The following PIK3R5 variants were observed in gnomAD, a reference collection of about 807,000 sequenced individuals.
The protein encoded by PIK3R5 is phosphoinositide-3-kinase regulatory subunit 5, also known as phosphoinositide 3-kinase regulatory subunit 5.
PIK3R5 carries 32 observed loss-of-function variants against 94.9 expected under a neutral mutation model. The observed-to-expected ratio is 0.34, with a 90% CI of 0.25 to 0.45. The LOEUF (loss-of-function observed/expected upper bound fraction) is 0.45, where lower values mean the gene tolerates loss of function less well. PIK3R5 is among the 20% of genes least tolerant of loss of function. PIK3R5 has a pLI of 1.00. For synonymous variants in PIK3R5, 443 were observed against 479.4 expected, an observed-to-expected ratio of 0.92 and a Z score of 0.99; for missense variants, 853 against 1,144.6, an observed-to-expected ratio of 0.75 and a Z score of 3.68.
intron 1 of PIK3R5, among the ~76,000 whole-genome samples, chr17:8,964,360 C>T (rs1177413554): frequency 1.3e-5 from 2 of 152,096 alleles, no homozygotes; most frequent in African/African-American, 2.4e-5. Context: ...CACTGCACTC[C>T]AGCCTGAGTG....
At chr17:8,883,088 G>A (rs1211261958) in intron 15 of PIK3R5, among the ~76,000 whole-genome samples, 1 of 152,218 alleles carries the variant, frequency 6.6e-6, no homozygotes. Flanking sequence ...CCTTTCATTG[G>A]GTCGGGCGTG....
At chr17:8,941,192 G>C (rs1304560340) in intron 1 of PIK3R5, among the ~76,000 whole-genome samples, 1 of 152,176 alleles carries the variant, frequency 6.6e-6, no homozygotes, top group Non-Finnish European at 1.5e-5. Context: ...GGTGTAGCGG[G>C]ATAGATATGG....
At chr17:8,913,233 G>C (rs569380426) in intron 1 of PIK3R5, among the ~76,000 whole-genome samples, 1 of 152,350 alleles carries the variant, frequency 6.6e-6, no homozygotes, top group Non-Finnish European at 1.5e-5. Flanking sequence ...GGGCAAATGA[G>C]GGGGAAGAGT....
In PIK3R5 at chr17:8,924,138, G is replaced by T. The variant is rs180761119; in HGVS notation, c.-13-12631C>A. On this transcript the variant is annotated intron_variant, in intron 1 of 18. Coordinates refer to ENST00000447110, the MANE Select transcript of PIK3R5 (RefSeq NM_001142633.3). ...CTGCCTCCCAGGCTGGAGTGCAGTGGTGTGATCATACCTCACTGCAGCCTT... is the reference window on the plus strand; with the variant it reads ...CTGCCTCCCAGGCTGGAGTGCAGTGTTGTGATCATACCTCACTGCAGCCTT... Among the ~76,000 whole-genome samples the T allele has an allele frequency of 3.9e-3, 580 of 147,620 alleles. 5 individuals are homozygous for T. The highest frequency in any genetic ancestry group is 0.013 in the African/African-American group (536 of 39,828).
intron 1 of PIK3R5, among the ~76,000 whole-genome samples, chr17:8,917,564 T>C (rs1045431968): frequency 9.2e-5 from 14 of 152,154 alleles, no homozygotes; most frequent in Non-Finnish European, 1.9e-4. Flanking sequence ...GAATGTGAGT[T>C]AAAAATTCTA....
intron 1 of PIK3R5, among the ~76,000 whole-genome samples, chr17:8,919,877 T>C (rs969396377): frequency 2.0e-5 from 3 of 147,928 alleles, no homozygotes; most frequent in Non-Finnish European, 4.4e-5. Context: ...TCTCTTTTTT[T>C]CTTTTTCCTT....
intron 4 of PIK3R5, 27 bp downstream of exon 4, chr17:8,905,642 C>G: frequency 6.4e-7 from 1 of 1,561,732 alleles, no homozygotes. Context: ...TCCCTCACCT[C>G]CAGCATCCTG....
At chr17:8,918,476 C>T (rs1488482931) in intron 1 of PIK3R5, among the ~76,000 whole-genome samples, 1 of 151,998 alleles carries the variant, frequency 6.6e-6, no homozygotes, top group Non-Finnish European at 1.5e-5. Context: ...ACCCACAAGT[C>T]TATAGATAAT....
intron 3 of PIK3R5, among the ~76,000 whole-genome samples, chr17:8,908,371 T>C (rs1304780725): frequency 6.6e-6 from 1 of 152,008 alleles, no homozygotes; most frequent in African/African-American, 2.4e-5. Flanking sequence ...GCTCCAGAGG[T>C]GGTTCAGCTC....
rs1230478830 is a variant in PIK3R5 at position 8,888,818 on chromosome 17, C to CTCCTCTTCA, written c.960_968dup (p.Asp320_Glu322dup). ...CCTCCACCTCCTCCTCCTCCTCTTC[C>CTCCTCTTCA]TCCTCTTCATCATCTCCCAGGATCC... is the stretch of plus-strand genomic sequence containing the variant. On this transcript the variant is annotated inframe_insertion, in exon 10 of 19. Transcript: ENST00000447110. This position sits in a 1 kb window ranked among gnomAD's most constrained non-coding sequence, Gnocchi z 7.8. 3 of 1,610,272 alleles carry CTCCTCTTCA rather than the reference C, an allele frequency of 1.9e-6. No individual in the cohort carries two copies. Among genetic ancestry groups the CTCCTCTTCA allele is most frequent in the African/African-American group, 2.7e-5 (2 of 74,948 alleles).
Position 8,886,531 on chromosome 17 carries a change from G to C in PIK3R5, c.1980C>G (p.Leu660=). ...TQLPILADML[L]YYCRFAARPV... is the part of the protein sequence containing the mutation. ...GTCTGGCGGCAAAGCGGCAGTAGTA[G>C]AGTAGCATGTCAGCCAGGATGGGCA... The change falls in exon 13 of 19, where the codon CTC becomes CTG. Residue 660 remains leucine, a synonymous_variant. Coordinates refer to ENST00000447110, the MANE Select transcript of PIK3R5 (RefSeq NM_001142633.3). 6.2e-7 allele frequency: 1 copy of C among 1,612,630 alleles called. No homozygotes were observed. The highest frequency in any genetic ancestry group is 1.1e-5 in the South Asian group (1 of 90,860).
chr17:8,940,192 G>A (rs2091149776), intron 1 of PIK3R5, among the ~76,000 whole-genome samples: 1 of 152,210 alleles, frequency 6.6e-6, no homozygotes, highest in Non-Finnish European at 1.5e-5. Flanking sequence ...GCCCAGCAGG[G>A]AAGAGCCCCC....
rs950009243 is a variant in PIK3R5 at position 8,926,726 on chromosome 17, T to C, written c.-13-15219A>G. Among the ~76,000 whole-genome samples the C allele has an allele frequency of 4.6e-5, 7 of 152,112 alleles. No homozygotes were observed. In the East Asian group the frequency reaches 1.2e-3, roughly 25 times the overall value. ...ACACATGGGAATTATGGGAGTACAA[T>C]TGGAGATGAGATTTGGGTGGGGACA... is the stretch of plus-strand genomic sequence containing the variant. On this transcript the variant is annotated intron_variant, in intron 1 of 18. Transcript: ENST00000447110.
At chr17:8,887,244 T>C (rs772951993) in intron 11 of PIK3R5, 23 bp from the exon 12 acceptor site, 35 of 1,612,806 alleles carry the variant, frequency 2.2e-5, no homozygotes, top group Non-Finnish European at 3.0e-5. Flanking sequence ...ACAAGAGTCA[T>C]CATCCCAGCT....
rs559829878 is a variant in PIK3R5 at position 8,879,850 on chromosome 17, T to C, written c.*789A>G. 5 of 152,266 alleles carry C rather than the reference T, an allele frequency of 3.3e-5. No individual in the cohort carries two copies. Among genetic ancestry groups the C allele is most frequent in the African/African-American group, 1.2e-4 (5 of 41,558 alleles). The allele number at this position is 152,266 out of a possible 1,614,324, so 9.4% of individuals were successfully genotyped here. ...AAGGATGTCTTATTTCCACCCCAAC[T>C]CTCCACTCCATTTTAGTGCTGGAGA... On this transcript the variant is annotated 3_prime_UTR_variant, in exon 19 of 19. Transcript: ENST00000447110. This position sits in a 1 kb window ranked among gnomAD's most constrained non-coding sequence, Gnocchi z 4.4.
At chr17:8,906,625 G>C (rs990866947) in intron 3 of PIK3R5, among the ~76,000 whole-genome samples, 4 of 152,112 alleles carry the variant, frequency 2.6e-5, no homozygotes, top group Admixed American at 2.0e-4. Flanking sequence ...GCTCATGCTT[G>C]TAATCTCAAC....
intron 1 of PIK3R5, among the ~76,000 whole-genome samples, chr17:8,914,165 ATTTCTCCCAGGTTAC>A (rs1347310661): frequency 6.6e-6 from 1 of 152,046 alleles, no homozygotes; most frequent in East Asian, 1.9e-4. Context: ...TCACAGGCTG[ATTTCTCCCAGGTTAC>A]CCCCAGAGCA....
rs557388144 is a variant in PIK3R5, at chr17:8,946,250, C to T, written c.-14+19346G>A. Among the ~76,000 whole-genome samples the T allele has an allele frequency of 6.6e-5, 10 of 151,848 alleles. No individual in the cohort carries two copies. In the South Asian group the frequency reaches 1.9e-3, roughly 29 times the overall value. On this transcript the variant is annotated intron_variant, in intron 1 of 18. Coordinates refer to ENST00000447110, the MANE Select transcript of PIK3R5 (RefSeq NM_001142633.3). Reference sequence around the variant, plus strand: ...AGGTCCATCTGGTGTGAGTGCCAGCCGCTTACCGAGATCAGGTCACATGCC... The same window carrying T: ...AGGTCCATCTGGTGTGAGTGCCAGCTGCTTACCGAGATCAGGTCACATGCC...
Position 8,881,927 on chromosome 17 carries a change from TGC to T in PIK3R5, c.2206-48_2206-47del. On this transcript the variant is annotated intron_variant, in intron 15 of 18. Transcript: ENST00000447110. The surrounding 1 kb of genome is among the most constrained non-coding windows in gnomAD (Gnocchi z 4.8). Reference sequence around the variant, plus strand: ...GACCCTCTGAGTCCAGAGGCCCCGGTGCCTGCTGCCTTCTCTTTGAAGGCCCA... The same window carrying T: ...GACCCTCTGAGTCCAGAGGCCCCGGTCTGCTGCCTTCTCTTTGAAGGCCCA... The T allele has an allele frequency of 7.0e-7, 1 of 1,428,822 alleles. No homozygotes were observed. The highest frequency in any genetic ancestry group is 9.8e-7 in the Non-Finnish European group (1 of 1,022,500). The allele number at this position is 1,428,822 out of a possible 1,614,324, so 88.5% of individuals were successfully genotyped here.
Sources: allele counts gnomAD v4.1 joint callset (sites outside exome capture counted in the v4.1 genomes callset), GRCh38; gene constraint gnomAD v4.1.1; non-coding constraint Gnocchi (gnomAD v3.1); transcripts MANE v1.5; gene names NCBI Gene and HGNC (gene_info 2026-07-23, HGNC 2026-07-21).